The following CLUAP1 variants were observed in gnomAD, a reference collection of about 807,000 sequenced individuals.
CLUAP1 encodes clusterin-associated protein 1.
A neutral mutation model predicts 55.0 loss-of-function variants in CLUAP1; 50 were observed. That is an observed-to-expected ratio of 0.91 (90% CI 0.72 to 1.15). The LOEUF (loss-of-function observed/expected upper bound fraction) is 1.15. Ranked by LOEUF, CLUAP1 falls within the 50% of genes most tolerant of loss-of-function variation. CLUAP1 has a pLI of 0.00. For missense variants in CLUAP1, 530 were observed against 507.6 expected (o/e 1.04, Z -0.42); for synonymous variants, 195 against 175.4 (o/e 1.11, Z -0.88).
At chr16:3,500,945 G>T, upstream of CLUAP1, 1 of 1,067,660 alleles carries the variant, frequency 9.4e-7, no homozygotes, top group Non-Finnish European at 1.4e-6. Context: ...TTCGCTTTTT[G>T]TTTGTCCCTG....
upstream of CLUAP1, among the ~76,000 whole-genome samples, chr16:3,497,786 G>A (rs974951836): frequency 6.6e-6 from 1 of 151,966 alleles, no homozygotes; most frequent in Non-Finnish European, 1.5e-5. Context: ...ACCAGGCCTG[G>A]CTAATTTTTT....
At chr16:3,531,747 C>A (rs114744885) in intron 10 of CLUAP1, among the ~76,000 whole-genome samples, 1,966 of 152,194 alleles carry the variant, frequency 0.013, 48 homozygotes, top group African/African-American at 0.045. Flanking sequence ...CTGAGTGCAA[C>A]CAGACGGTAT....
At chr16:3,531,461 G>A (rs1200822829) in intron 10 of CLUAP1, among the ~76,000 whole-genome samples, 1 of 152,082 alleles carries the variant, frequency 6.6e-6, no homozygotes, top group Non-Finnish European at 1.5e-5. Flanking sequence ...GGCGGAGCTT[G>A]CAGTGAGCCG....
intron 9 of CLUAP1, among the ~76,000 whole-genome samples, chr16:3,529,493 T>TATTATATTATATATTATATA (rs2038022127): frequency 1.4e-5 from 1 of 70,088 alleles, no homozygotes; most frequent in African/African-American, 6.4e-5. Flanking sequence ...TATATAATTA[T>TATTATATTATATATTATATA]ATTATATTAT....
Position 3,502,746 on chromosome 16 carries a change from C to T in CLUAP1, c.22+1657C>T, listed in dbSNP as rs577673860. Among the ~76,000 whole-genome samples the T allele has an allele frequency of 2.0e-5, 3 of 152,218 alleles. No individual in the cohort carries two copies. The East Asian group carries it at 5.8e-4, about 29-fold the overall frequency. ...TCCTCCCACATAGTTTTTAGAGAGG[C>T]CAGCACCCTGCCGGGGGACGTAGAA... On this transcript the variant is annotated intron_variant, in intron 1 of 11. Coordinates refer to ENST00000576634, the MANE Select transcript of CLUAP1 (RefSeq NM_015041.3).
intron 7 of CLUAP1, among the ~76,000 whole-genome samples, chr16:3,522,090 C>T (rs964782686): frequency 5.3e-5 from 8 of 152,030 alleles, no homozygotes; most frequent in African/African-American, 1.4e-4. Flanking sequence ...AGCCTTAATT[C>T]GTAACAACCT....
chr16:3,522,177 C>T (rs1003305251), intron 7 of CLUAP1, among the ~76,000 whole-genome samples: 1 of 151,834 alleles, frequency 6.6e-6, no homozygotes, highest in Admixed American at 6.6e-5. Context: ...ATTATTATTT[C>T]TTTTGAGATG....
At position 3,511,444 on chromosome 16, in the gene CLUAP1, A is replaced by G. The variant is rs946512322; in HGVS notation, c.400-939A>G. 5.3e-5 allele frequency among the ~76,000 whole-genome samples: 8 copies of G among 152,326 alleles called. No individual in the cohort carries two copies. In the East Asian group the frequency reaches 1.5e-3, roughly 29 times the overall value. On this transcript the variant is annotated intron_variant, in intron 4 of 11. Coordinates refer to ENST00000576634, the MANE Select transcript of CLUAP1 (RefSeq NM_015041.3). The stretch of plus-strand genomic sequence containing the variant: ...CAACAGCTGCCCATCTGTGGAGCCC[A>G]GAACCATTGTAAGTCCTTAGTGGGT...
chr16:3,500,223 G>C (rs997391232), upstream of CLUAP1, among the ~76,000 whole-genome samples: 3 of 152,186 alleles, frequency 2.0e-5, no homozygotes, highest in Non-Finnish European at 4.4e-5. Flanking sequence ...TGTGCAGCCC[G>C]AGCCGTCTGC....
At chr16:3,522,458 C>T (rs561564197) in intron 7 of CLUAP1, among the ~76,000 whole-genome samples, 3 of 152,234 alleles carry the variant, frequency 2.0e-5, no homozygotes. Flanking sequence ...GCCACCGCAC[C>T]CGGCCAACAG....
chr16:3,506,481 G>A (rs1386890937), intron 3 of CLUAP1, 66 bp downstream of exon 3: 2 of 1,227,226 alleles, frequency 1.6e-6, no homozygotes, highest in Admixed American at 1.7e-5. Context: ...CTCCTTGTTA[G>A]GGCGACTTTC....
intron 7 of CLUAP1, among the ~76,000 whole-genome samples, chr16:3,521,638 T>C (rs1302002860): frequency 6.6e-6 from 1 of 152,106 alleles, no homozygotes; most frequent in African/African-American, 2.4e-5. Context: ...TTTCACCATG[T>C]TGGCCAGGCT....
intron 1 of CLUAP1, 88 bp downstream of exon 1, chr16:3,501,177 G>A (rs1011285428): frequency 2.2e-6 from 3 of 1,375,738 alleles, no homozygotes; most frequent in Non-Finnish European, 3.0e-6. Flanking sequence ...GGCGATCCCT[G>A]AGGCTTGCGC....
At chr16:3,495,510 TC>T in the CLUAP1 span, 2,016 of 1,553,784 alleles carry the variant, frequency 1.3e-3, 28 homozygotes, top group African/African-American at 0.025. Context: ...TTGGCAGGTC[TC>T]CCCTGGCAAC....
intron 11 of CLUAP1, chr16:3,533,104 A>G: frequency 6.5e-7 from 1 of 1,536,122 alleles, no homozygotes; most frequent in Non-Finnish European, 8.7e-7. Context: ...CAAAGATGGA[A>G]GCAGCACCAG....
At chr16:3,528,313 C>T (rs1293818121) in intron 9 of CLUAP1, among the ~76,000 whole-genome samples, 1 of 152,172 alleles carries the variant, frequency 6.6e-6, no homozygotes, top group Non-Finnish European at 1.5e-5. Context: ...CTCCCACACA[C>T]ACTCTCTCTC....
At chr16:3,510,692 T>G (rs2037607954) in intron 4 of CLUAP1, among the ~76,000 whole-genome samples, 2 of 152,226 alleles carry the variant, frequency 1.3e-5, no homozygotes, top group Non-Finnish European at 2.9e-5. Flanking sequence ...AGTTCTGCAT[T>G]TTCTTTAATT....
rs533604393 is a variant in CLUAP1, at chr16:3,535,990, C to T, written c.1093-132C>T. Reference sequence around the variant, plus strand: ...GTCCCATCTGTATGCCCTCCCACAGCCTGCTTGCCACTCTGCCAGCCTCTT... The same window carrying T: ...GTCCCATCTGTATGCCCTCCCACAGTCTGCTTGCCACTCTGCCAGCCTCTT... On this transcript the variant is annotated intron_variant, in intron 11 of 11. Transcript: ENST00000576634. The T allele has an allele frequency of 8.7e-6, 9 of 1,036,800 alleles. No individual in the cohort carries two copies. In the African/African-American group the frequency reaches 1.3e-4, roughly 15 times the overall value. The allele number at this position is 1,036,800 out of a possible 1,614,324, so 64.2% of individuals were successfully genotyped here.
chr16:3,504,708 T>G lies in CLUAP1; in HGVS notation c.23-12T>G. 1.4e-6 allele frequency: 2 copies of G among 1,467,370 alleles called. No homozygotes were observed. The highest frequency in any genetic ancestry group is 1.9e-6 in the Non-Finnish European group (2 of 1,046,214). 90.9% of individuals were successfully genotyped at this position (1,467,370 alleles called of 1,614,324 possible). On this transcript the variant is annotated splice_polypyrimidine_tract_variant and intron_variant, in intron 1 of 11. Coordinates refer to ENST00000576634, the MANE Select transcript of CLUAP1 (RefSeq NM_015041.3). ...ATGGGGAACTGAATGAATTGTATTT[T>G]TCCTTGGACAGATTTCACAGAGATG... is the stretch of plus-strand genomic sequence containing the variant.
Sources: allele counts gnomAD v4.1 joint callset (sites outside exome capture counted in the v4.1 genomes callset), GRCh38; gene constraint gnomAD v4.1.1; transcripts MANE v1.5; gene names NCBI Gene and HGNC (gene_info 2026-07-23, HGNC 2026-07-21).